Variants in BTBD18 observed in about 807,000 individuals in gnomAD.
BTBD18 encodes the protein BTB domain containing 18.
For missense variants in BTBD18, 787 were observed against 846.3 expected (o/e 0.93, Z 0.87); for synonymous variants, 311 against 324.4 (o/e 0.96, Z 0.44).
chr11:57,751,424 T>G (rs1223494559), intron 1 of BTBD18, 117 bp downstream of exon 1: 2 of 359,288 alleles, frequency 5.6e-6, no homozygotes, highest in Non-Finnish European at 1.0e-5. Context: ...AGCTCAGAGA[T>G]AAGCCTAGGT....
In BTBD18 at chr11:57,744,862, T is replaced by C. The variant is rs1411434026; in HGVS notation, c.1411A>G (p.Thr471Ala). The change falls in exon 3 of 3, where the codon ACA becomes GCA. Residue 471 changes from threonine to alanine, a missense_variant. Coordinates refer to ENST00000422652, the MANE Select transcript of BTBD18 (RefSeq NM_001145101.3). ...IDCREPYAFD[T>A]ALLEQPCEAE... ...TCACAGGGCTGCTCCAGCAGAGCTG[T>C]GTCAAATGCATAGGGTTCTCTGCAG... The C allele has an allele frequency of 3.9e-6, 6 of 1,551,726 alleles. No homozygotes were observed. The South Asian group carries it at 7.1e-5, about 18-fold the overall frequency.
chr11:57,752,086 C>G (rs1465669973), upstream of BTBD18, among the ~76,000 whole-genome samples: 1 of 152,206 alleles, frequency 6.6e-6, no homozygotes, highest in African/African-American at 2.4e-5. Flanking sequence ...ATTCTGACTT[C>G]AGGCTTATGT....
At chr11:57,749,744 TCAAA>T (rs1949265454) in intron 2 of BTBD18, among the ~76,000 whole-genome samples, 1 of 16,542 alleles carries the variant, frequency 6.0e-5, no homozygotes, top group African/African-American at 2.6e-4. Context: ...CGCAAGAATC[TCAAA>T]AAAAAAAAAA....
intron 2 of BTBD18, among the ~76,000 whole-genome samples, chr11:57,747,271 C>T (rs1053793917): frequency 6.6e-6 from 1 of 152,210 alleles, no homozygotes; most frequent in Non-Finnish European, 1.5e-5. Flanking sequence ...CTGCCTAGAT[C>T]TCTTTCCTGA....
chr11:57,745,727 C>T lies in BTBD18; in HGVS notation c.546G>A (p.Lys182=). 6.4e-7 allele frequency: 1 copy of T among 1,551,698 alleles called. No homozygotes were observed. Among genetic ancestry groups the T allele is most frequent in the Non-Finnish European group, 8.7e-7 (1 of 1,146,986 alleles). Residue 182 remains lysine, a synonymous_variant, in exon 3 of 3, where the codon AAG becomes AAA. Transcript: ENST00000422652. ...GGGGCCCCTCTTCCTTCCCCAAGGA[C>T]TTCAATCTTATTGCCCCAAGAGGAC... ...TPCPLGAIRL[K]SLGKEEGPQE...
At chr11:57,750,712 A>G (rs563513610) in intron 2 of BTBD18, among the ~76,000 whole-genome samples, 12 of 152,332 alleles carry the variant, frequency 7.9e-5, no homozygotes, top group African/African-American at 2.9e-4. Context: ...ACATAATAGT[A>G]TCATCTAACA....
At position 57,745,436 on chromosome 11, in the gene BTBD18, A is replaced by G. The variant is rs1385028096; in HGVS notation, c.837T>C (p.Pro279=). Residue 279 remains proline, a synonymous_variant, in exon 3 of 3, where the codon CCT becomes CCC. Coordinates refer to ENST00000422652, the MANE Select transcript of BTBD18 (RefSeq NM_001145101.3). The part of the protein sequence containing the change: ...KPSPGICTSK[P]SSILSGSSSV... ...AGCTAGATCCACTTAAAATGCTGGA[A>G]GGCTTTGATGTACAGATACCAGGAG... 8 of 1,551,440 alleles carry G rather than the reference A, an allele frequency of 5.2e-6. No homozygotes were observed. The East Asian group carries it at 2.0e-4, about 38-fold the overall frequency.
At chr11:57,748,154 T>G (rs1299243408) in intron 2 of BTBD18, among the ~76,000 whole-genome samples, 1 of 152,158 alleles carries the variant, frequency 6.6e-6, no homozygotes, top group Non-Finnish European at 1.5e-5. Flanking sequence ...ACTCCTTGCC[T>G]CAAGTGATCC....
rs1949170705 is a variant in BTBD18, at chr11:57,745,418, T to C, written c.855A>G (p.Gly285=). The C allele has an allele frequency of 1.3e-6, 2 of 1,551,646 alleles. No individual in the cohort carries two copies. The highest frequency in any genetic ancestry group is 2.7e-5 in the African/African-American group (2 of 73,154). The change falls in exon 3 of 3, where the codon GGA becomes GGG. Residue 285 remains glycine (G), a synonymous_variant. Coordinates refer to ENST00000422652, the MANE Select transcript of BTBD18 (RefSeq NM_001145101.3). ...CTSKPSSILS[G]SSSVPATPGR... is the part of the protein sequence containing the mutation. Reference sequence around the variant, plus strand: ...CAGGGGTTGCAGGCACTGAGCTAGATCCACTTAAAATGCTGGAAGGCTTTG... The same window carrying C: ...CAGGGGTTGCAGGCACTGAGCTAGACCCACTTAAAATGCTGGAAGGCTTTG...
At chr11:57,751,305 G>T in intron 1 of BTBD18, 69 bp from the exon 2 acceptor site, 3 of 814,518 alleles carry the variant, frequency 3.7e-6, no homozygotes, top group Non-Finnish European at 5.3e-6. Context: ...TGAAATGGCA[G>T]GGGAATTTTG....
rs766626062 is a variant in BTBD18, at chr11:57,751,552, G to GT, written c.-61dup. 4.1e-4 allele frequency: 64 copies of GT among 157,680 alleles called. No individual in the cohort carries two copies. The highest frequency in any genetic ancestry group is 1.6e-3 in the Admixed American group (24 of 15,402). The allele number at this position is 157,680 out of a possible 1,614,324, so 9.8% of individuals were successfully genotyped here. On this transcript the variant is annotated 5_prime_UTR_variant, in exon 1 of 3. Transcript: ENST00000422652. ...ATAATAGTACTTACCTTGTAGGGTT[G>GT]TTTTAAAGATTAAATGAGTCAGTGA...
In BTBD18 at chr11:57,745,974, A is replaced by G; in HGVS notation, c.299T>C (p.Val100Ala). 4 of 1,551,608 alleles carry G rather than the reference A, an allele frequency of 2.6e-6. No individual in the cohort carries two copies. In the South Asian group the frequency reaches 3.6e-5, roughly 14 times the overall value. The change falls in exon 3 of 3, where the codon GTA becomes GCA. Residue 100 changes from valine to alanine, a missense_variant. Physicochemically the swap from Val to Ala is moderately conservative, Grantham distance 64. Coordinates refer to ENST00000422652, the MANE Select transcript of BTBD18 (RefSeq NM_001145101.3). ...CACATCCTGGGCTTCTTCTTGAGAT[A>G]CTTCCATTTCTGAGGTATACAAGAA... ...VDFLYTSEME[V>A]SQEEAQDVLS...
In BTBD18 at chr11:57,745,759, T is replaced by A; in HGVS notation, c.514A>T (p.Thr172Ser). 3 of 1,551,162 alleles carry A rather than the reference T, an allele frequency of 1.9e-6. No homozygotes were observed. The highest frequency in any genetic ancestry group is 1.7e-6 in the Non-Finnish European group (2 of 1,146,860). ...HPHTPLPTNQ[T>S]PCPLGAIRLK... is the part of the protein sequence containing the mutation. Reference sequence around the variant, plus strand: ...CTTATTGCCCCAAGAGGACAAGGAGTTTGATTAGTGGGCAGTGGGGTGTGA... The same window carrying A: ...CTTATTGCCCCAAGAGGACAAGGAGATTGATTAGTGGGCAGTGGGGTGTGA... The change falls in exon 3 of 3, where the codon ACT becomes TCT. Residue 172 changes from threonine (T) to serine (S), a missense_variant. Physicochemically the swap from Thr to Ser is moderately conservative, Grantham distance 58 (BLOSUM62 1). Coordinates refer to ENST00000422652, the MANE Select transcript of BTBD18 (RefSeq NM_001145101.3).
chr11:57,752,214 AAAG>A (rs1166314012), upstream of BTBD18, among the ~76,000 whole-genome samples: 7 of 152,170 alleles, frequency 4.6e-5, no homozygotes, highest in Non-Finnish European at 8.8e-5. Flanking sequence ...AACTATCAGG[AAAG>A]AAGAATGAAA....
In BTBD18 at chr11:57,751,110, G is replaced by A. The variant is rs1565246284; in HGVS notation, c.79C>T (p.Gln27Ter). The A allele has an allele frequency of 6.5e-7, 1 of 1,550,284 alleles. No homozygotes were observed. The highest frequency in any genetic ancestry group is 2.0e-5 in the Admixed American group (1 of 50,756). The change falls in exon 2 of 3, where the codon CAG becomes TAG. Residue 27 changes from glutamine to a stop codon, truncating the protein, a stop_gained. Coordinates refer to ENST00000422652, the MANE Select transcript of BTBD18 (RefSeq NM_001145101.3). LOFTEE classifies it low-confidence loss of function (END_TRUNC). ...TCACAGAACACATCACTCTGCTGCT[G>A]GTGATGAAGCTGCAGAAAAGCTAAC... ...LRLAFLQLHH[Q>*]QQSDVFCDVL... is the part of the protein sequence containing the mutation.
Position 57,743,880 on chromosome 11 carries a change from C to G in BTBD18, c.*254G>C. The G allele has an allele frequency of 2.6e-6, 1 of 384,138 alleles. No homozygotes were observed. Among genetic ancestry groups the G allele is most frequent in the Non-Finnish European group, 4.7e-6 (1 of 211,672 alleles). 23.8% of individuals were successfully genotyped at this position (384,138 alleles called of 1,614,324 possible). ...TGACCCACCAGAATTGGGGAGCACA[C>G]AGTTTGTTTCAGTTGTCACTAACCG... is the stretch of plus-strand genomic sequence containing the variant. On this transcript the variant is annotated 3_prime_UTR_variant, in exon 3 of 3. Transcript: ENST00000422652.
chr11:57,747,577 C>T (rs1361255354), intron 2 of BTBD18, among the ~76,000 whole-genome samples: 2 of 152,092 alleles, frequency 1.3e-5, no homozygotes, highest in Admixed American at 6.6e-5. Context: ...TGCAATGGTG[C>T]GATCTCAGGT....
rs1949182333 is a variant in BTBD18 at position 57,746,075 on chromosome 11, C to G, written c.198G>C (p.Glu66Asp). Residue 66 changes from glutamate (E) to aspartate (D), a missense_variant, in exon 3 of 3, where the codon GAG (glutamate) becomes GAC (aspartate). Coordinates refer to ENST00000422652, the MANE Select transcript of BTBD18 (RefSeq NM_001145101.3). ...CCACCTTCCCACCCTGAGCTGGCCTCTCCCGCTCCAGGCGCTCTGTGAAGA... is the reference window on the plus strand; with the variant it reads ...CCACCTTCCCACCCTGAGCTGGCCTGTCCCGCTCCAGGCGCTCTGTGAAGA... ...SPFFTERLER[E>D]RPAQGGKVVL... 2.6e-6 allele frequency: 4 copies of G among 1,551,626 alleles called. No homozygotes were observed. The East Asian group carries it at 9.8e-5, about 38-fold the overall frequency.
chr11:57,744,947 C>T lies in BTBD18; in HGVS notation c.1326G>A (p.Val442=). 1.9e-6 allele frequency: 3 copies of T among 1,551,580 alleles called. No individual in the cohort carries two copies. Among genetic ancestry groups the T allele is most frequent in the Non-Finnish European group, 1.7e-6 (2 of 1,146,924 alleles). ...CTGGACTGGACTCAAACTCTGACTT[C>T]ACCACTGGGTGGTCTGGGGAGTGGC... The part of the protein sequence containing the change: ...SASHSPDHPV[V]KSEFESSPEL... Residue 442 remains valine, a synonymous_variant, in exon 3 of 3, where the codon GTG becomes GTA. Coordinates refer to ENST00000422652, the MANE Select transcript of BTBD18 (RefSeq NM_001145101.3).
Sources: allele counts gnomAD v4.1 joint callset (sites outside exome capture counted in the v4.1 genomes callset), GRCh38; gene constraint gnomAD v4.1.1; transcripts MANE v1.5; gene names NCBI Gene and HGNC (gene_info 2026-07-23, HGNC 2026-07-21).